PCDH11X: variants seen among roughly 807,000 people sequenced by gnomAD.
PCDH11X encodes the protein protocadherin 11 X-linked, also known as protocadherin-11 X-linked.
Under a neutral mutation model 53.3 loss-of-function variants are expected in PCDH11X, and 18 were observed. The observed-to-expected ratio is 0.34, with a 90% confidence interval of 0.23 to 0.50. The LOEUF (loss-of-function observed/expected upper bound fraction) is 0.50. Among genes scored for constraint, PCDH11X ranks in the 20% least tolerant of loss-of-function variants. The pLI is 0.98. For synonymous variants in PCDH11X, 279 were observed against 393.3 expected (o/e 0.71, Z 3.44); for missense variants, 570 against 1,032.4 (o/e 0.55, Z 6.14).
chrX:92,263,102 A>T lies in PCDH11X; in HGVS notation c.3115-12A>T, dbSNP rs779859549. 1 of 1,181,806 alleles carries T rather than the reference A, an allele frequency of 8.5e-7. No homozygotes were observed. The highest frequency in any genetic ancestry group is 1.8e-5 in the African/African-American group (1 of 56,779). On this transcript the variant is annotated splice_polypyrimidine_tract_variant and intron_variant, in intron 7 of 10. Transcript: ENST00000682573. ...CCTTTGCTTCCCTTGCCTCCATTTT[A>T]TCCTAAATCAGCGGAAATCTGAAGG... is the stretch of plus-strand genomic sequence containing the variant.
chrX:92,427,276 A>T (rs1213260259), intron 9 of PCDH11X, among the ~76,000 whole-genome samples: 6 of 103,415 alleles, frequency 5.8e-5, no homozygotes, highest in Non-Finnish European at 3.9e-5. Context: ...AAGTTTCCAA[A>T]TTTTTTCTAG....
chrX:91,999,251 C>T (rs903991695), intron 6 of PCDH11X, among the ~76,000 whole-genome samples: 1 of 111,472 alleles, frequency 9.0e-6, no homozygotes, highest in African/African-American at 3.3e-5. Flanking sequence ...AATACAGTAA[C>T]ATTTCAGTTA....
At chrX:92,415,781 C>T (rs934806976) in intron 9 of PCDH11X, among the ~76,000 whole-genome samples, 3 of 111,052 alleles carry the variant, frequency 2.7e-5, no homozygotes, top group South Asian at 3.7e-4. Flanking sequence ...AATAAGAATT[C>T]GAGGACACAA....
In PCDH11X at chrX:92,586,087, G is replaced by A. The variant is rs1184608163; in HGVS notation, c.3368-32177G>A. Among the ~76,000 whole-genome samples the A allele has an allele frequency of 5.5e-4, 45 of 81,716 alleles. No individual in the cohort carries two copies. The East Asian group carries it at 0.015, about 27-fold the overall frequency. 71.0% of individuals were successfully genotyped at this position (81,716 alleles called of 115,157 possible). On this transcript the variant is annotated intron_variant, in intron 10 of 10. Transcript: ENST00000682573. ...TGGTCATTACACTCATTTTACTGAT[G>A]TGGCAATAAACTGATAATACAAAAA...
At chrX:92,254,533 T>C (rs1358378242) in intron 7 of PCDH11X, among the ~76,000 whole-genome samples, 1 of 109,272 alleles carries the variant, frequency 9.2e-6, no homozygotes, top group Non-Finnish European at 1.9e-5. Flanking sequence ...TTCTTCCTAG[T>C]CTCGATGGTC....
intron 7 of PCDH11X, among the ~76,000 whole-genome samples, chrX:92,233,004 C>G (rs1033420827): frequency 1.6e-4 from 18 of 111,845 alleles, no homozygotes; most frequent in African/African-American, 5.8e-4. Context: ...CGTGAGCCAC[C>G]GCGCCCGGCC....
intron 6 of PCDH11X, among the ~76,000 whole-genome samples, chrX:91,903,111 A>T (rs1941015230): frequency 1.8e-5 from 2 of 111,225 alleles, no homozygotes; most frequent in South Asian, 7.6e-4. Context: ...CTGTTATTTA[A>T]ATACAAATGT....
chrX:91,983,522 G>A, intron 6 of PCDH11X: 1 of 504,786 alleles, frequency 2.0e-6, no homozygotes, highest in African/African-American at 2.3e-5. Context: ...CTTAGAGGTG[G>A]TGGCAGTGGG....
chrX:92,423,316 G>T (rs2072021338), intron 9 of PCDH11X, among the ~76,000 whole-genome samples: 1 of 97,130 alleles, frequency 1.0e-5, no homozygotes, highest in African/African-American at 3.3e-5. Flanking sequence ...CCCACTTTTT[G>T]ATAGGATTGT....
chrX:92,056,389 G>GT (rs34936277), intron 6 of PCDH11X, among the ~76,000 whole-genome samples: 30 of 110,684 alleles, frequency 2.7e-4, no homozygotes, highest in African/African-American at 8.8e-4. Flanking sequence ...TGTTTGTGTG[G>GT]TTTTTTTTGT....
At chrX:92,361,631 C>T (rs1193084016) in intron 8 of PCDH11X, among the ~76,000 whole-genome samples, 2 of 109,379 alleles carry the variant, frequency 1.8e-5, no homozygotes, top group Non-Finnish European at 3.8e-5. Flanking sequence ...TAATATGCCA[C>T]TGTTAGCTTT....
intron 10 of PCDH11X, among the ~76,000 whole-genome samples, chrX:92,473,817 A>G (rs1031869889): frequency 2.7e-5 from 3 of 111,499 alleles, no homozygotes; most frequent in African/African-American, 9.8e-5. Context: ...AAGGTGCTTG[A>G]TAATTTTTGA....
chrX:92,265,276 A>G (rs1051588348), intron 8 of PCDH11X, among the ~76,000 whole-genome samples: 1 of 110,280 alleles, frequency 9.1e-6, no homozygotes, highest in Non-Finnish European at 1.9e-5. Context: ...CCAACAAGAG[A>G]GTGGGCCCAA....
chrX:92,062,557 A>G (rs2063538000), intron 6 of PCDH11X, among the ~76,000 whole-genome samples: 1 of 111,990 alleles, frequency 8.9e-6, no homozygotes, highest in Non-Finnish European at 1.9e-5. Context: ...ACACTTCTCA[A>G]AAGAAGACAT....
chrX:91,977,894 T>G (rs1166171274), intron 6 of PCDH11X, among the ~76,000 whole-genome samples: 3 of 111,643 alleles, frequency 2.7e-5, no homozygotes, highest in African/African-American at 9.8e-5. Context: ...TTTTTAAACC[T>G]TCCTTAGACA....
intron 10 of PCDH11X, among the ~76,000 whole-genome samples, chrX:92,553,423 G>A (rs1026560188): frequency 1.6e-4 from 17 of 109,641 alleles, no homozygotes; most frequent in Admixed American, 2.0e-4. Context: ...CAGTTGTAGC[G>A]TCTCCTTTAG....
intron 4 of PCDH11X, among the ~76,000 whole-genome samples, chrX:91,812,324 C>T (rs192630466): frequency 9.0e-6 from 1 of 110,954 alleles, no homozygotes; most frequent in African/African-American, 3.3e-5. Context: ...CAACTTTTTA[C>T]ATGATTCTTT....
rs1352558127 is a variant in PCDH11X, at chrX:92,129,405, A to G, written c.3034-71970A>G. Among the ~76,000 whole-genome samples the G allele has an allele frequency of 3.6e-5, 4 of 111,658 alleles. No homozygotes were observed. The East Asian group carries it at 8.4e-4, about 24-fold the overall frequency. On this transcript the variant is annotated intron_variant, in intron 6 of 10. Transcript: ENST00000682573. ...GACTCCGTCCCCCACCTCCGTGCCAAAAAAGAGTCTCTTCCTTCTACCCAT... is the reference window on the plus strand; with the variant it reads ...GACTCCGTCCCCCACCTCCGTGCCAGAAAAGAGTCTCTTCCTTCTACCCAT...
chrX:92,539,687 T>C (rs2074724629), intron 10 of PCDH11X, among the ~76,000 whole-genome samples: 1 of 111,820 alleles, frequency 8.9e-6, no homozygotes, highest in South Asian at 3.7e-4. Flanking sequence ...GCATTAAAGA[T>C]ATATATTTAT....
Sources: allele counts gnomAD v4.1 joint callset (sites outside exome capture counted in the v4.1 genomes callset), GRCh38; gene constraint gnomAD v4.1.1; transcripts MANE v1.5; gene names NCBI Gene and HGNC (gene_info 2026-07-23, HGNC 2026-07-21).